The following FAT1 variants were observed in gnomAD, a reference collection of about 807,000 sequenced individuals.
FAT1 encodes the protein FAT atypical cadherin 1.
Under a neutral mutation model 329.8 loss-of-function variants are expected in FAT1, and 171 were observed. That is an observed-to-expected ratio of 0.52 (90% CI 0.46 to 0.59). FAT1 has a LOEUF of 0.59. Among genes scored for constraint, FAT1 ranks in the 20% least tolerant of loss-of-function variants. The pLI, the probability that FAT1 is intolerant of heterozygous loss-of-function variation, is 0.00. For synonymous variants in FAT1, 2,233 were observed against 2,228.6 expected (o/e 1.00, Z -0.06); for missense variants, 5,672 against 5,774.4 (o/e 0.98, Z 0.57).
Position 186,708,641 on chromosome 4 carries a change from G to A in FAT1, c.1187C>T (p.Ser396Phe), listed in dbSNP as rs1744773806. 3 of 1,613,864 alleles carry A rather than the reference G, an allele frequency of 1.9e-6. No homozygotes were observed. The highest frequency in any genetic ancestry group is 1.7e-6 in the Non-Finnish European group (2 of 1,179,882). Reference sequence around the variant, plus strand: ...ACTTTTAAAAACATACCTCAAATGGGAATAAGCAGGAATGGCCTTTACCAT... The same window carrying A: ...ACTTTTAAAAACATACCTCAAATGGAAATAAGCAGGAATGGCCTTTACCAT... Reference protein sequence around the residue: ...VVMVKAIPAYSHLRYVFKSTP... With the variant: ...VVMVKAIPAYFHLRYVFKSTP... Residue 396 changes from serine (S) to phenylalanine (F), a missense_variant, in exon 2 of 27, where the codon TCC becomes TTC. Physicochemically the swap from Ser to Phe is radical, Grantham distance 155. Coordinates refer to ENST00000441802, the MANE Select transcript of FAT1 (RefSeq NM_005245.4).
chr4:186,652,735 C>A (rs1741724520), intron 3 of FAT1, among the ~76,000 whole-genome samples: 1 of 152,100 alleles, frequency 6.6e-6, no homozygotes, highest in African/African-American at 2.4e-5. Flanking sequence ...AAGTTGTTTG[C>A]AGCTTTAGCT....
At chr4:186,626,354 T>C (rs1175291874) in intron 9 of FAT1, among the ~76,000 whole-genome samples, 3 of 46,902 alleles carry the variant, frequency 6.4e-5, no homozygotes, top group Admixed American at 2.0e-4. Flanking sequence ...GTGAGCTTCA[T>C]CAGCCTACAG....
chr4:186,706,102 T>C (rs999595910), intron 2 of FAT1, among the ~76,000 whole-genome samples: 2 of 152,138 alleles, frequency 1.3e-5, no homozygotes, highest in Non-Finnish European at 2.9e-5. Flanking sequence ...TGGCACATCA[T>C]CTCTGCACTG....
rs933085710 is a variant in FAT1, at chr4:186,709,842, G to A, written c.-15C>T. Reference sequence around the variant, plus strand: ...TGTCTCCCCATTGCTTAACTGTCGGGAATCTGAAACAGAAGAAATCAGAAT... The same window carrying A: ...TGTCTCCCCATTGCTTAACTGTCGGAAATCTGAAACAGAAGAAATCAGAAT... On this transcript the variant is annotated 5_prime_UTR_variant, in exon 2 of 27. Transcript: ENST00000441802. 1 of 1,578,574 alleles carries A rather than the reference G, an allele frequency of 6.3e-7. No individual in the cohort carries two copies. The highest frequency in any genetic ancestry group is 8.6e-7 in the Non-Finnish European group (1 of 1,158,602).
chr4:186,663,363 G>C lies in FAT1; in HGVS notation c.3516C>G (p.Asp1172Glu), dbSNP rs766411133. Residue 1172 changes from aspartate to glutamate, a missense_variant, in exon 3 of 27, where the codon GAC becomes GAG. Around this residue, in one of 2 missense-constraint regions of FAT1, gnomAD observed 3,966 missense variants for 3,915.2 expected, o/e 1.01. Transcript: ENST00000441802. Reference sequence around the variant, plus strand: ...CACTTGTAATTTTGTACATGAGCTTGTCATTAGAGCTCGAATCTGGATCAA... The same window carrying C: ...CACTTGTAATTTTGTACATGAGCTTCTCATTAGAGCTCGAATCTGGATCAA... ...EAFDPDSSSN[D>E]KLMYKITSGN... 4 of 1,613,980 alleles carry C rather than the reference G, an allele frequency of 2.5e-6. No homozygotes were observed. The East Asian group carries it at 8.9e-5, about 36-fold the overall frequency.
At chr4:186,651,082 A>C (rs1030668749) in intron 3 of FAT1, among the ~76,000 whole-genome samples, 4 of 72,170 alleles carry the variant, frequency 5.5e-5, no homozygotes, top group Admixed American at 1.5e-4. Context: ...TAATTGATAA[A>C]TTATTTGATG....
chr4:186,695,749 A>G (rs1743995355), intron 2 of FAT1, among the ~76,000 whole-genome samples: 2 of 131,182 alleles, frequency 1.5e-5, no homozygotes, highest in African/African-American at 5.9e-5. Context: ...TTTAATATGT[A>G]TTATATATAA....
In FAT1 at chr4:186,616,896, T is replaced by TG. The variant is rs1288861674; in HGVS notation, c.9075+108dup. 3 of 950,690 alleles carry TG rather than the reference T, an allele frequency of 3.2e-6. No individual in the cohort carries two copies. In the African/African-American group the frequency reaches 4.9e-5, roughly 16 times the overall value. 58.9% of individuals were successfully genotyped at this position (950,690 alleles called of 1,614,324 possible). On this transcript the variant is annotated intron_variant, in intron 11 of 26. Coordinates refer to ENST00000441802, the MANE Select transcript of FAT1 (RefSeq NM_005245.4). ...TTAACACCTCTGCTTAATCAGTAAG[T>TG]GATCATAAAACACATGTGAATTACA... is the stretch of plus-strand genomic sequence containing the variant.
intron 10 of FAT1, 26 bp downstream of exon 10, chr4:186,617,682 A>G (rs769745372): frequency 2.0e-6 from 3 of 1,508,714 alleles, no homozygotes; most frequent in African/African-American, 1.4e-5. Context: ...AAATTAATTA[A>G]ACCGTTTGGT....
Position 186,710,922 on chromosome 4 carries a change from C to T in FAT1, c.-18-1077G>A, listed in dbSNP as rs548146617. 5.0e-4 allele frequency among the ~76,000 whole-genome samples: 76 copies of T among 152,240 alleles called. No individual in the cohort carries two copies. The South Asian group carries it at 0.014, about 28-fold the overall frequency. ...TAACAATGACAAATGGGAAGGTGGG[C>T]GAAGTCCACTGGGCTGAGGTCTGGC... On this transcript the variant is annotated intron_variant, in intron 1 of 26. Transcript: ENST00000441802.
intron 2 of FAT1, among the ~76,000 whole-genome samples, chr4:186,671,526 C>G (rs552019389): frequency 1.3e-5 from 2 of 151,786 alleles, no homozygotes; most frequent in African/African-American, 4.8e-5. Context: ...GTTGAAACCC[C>G]GTCTCTACTA....
At chr4:186,640,120 C>T (rs936589746) in intron 3 of FAT1, among the ~76,000 whole-genome samples, 7 of 152,038 alleles carry the variant, frequency 4.6e-5, no homozygotes, top group Non-Finnish European at 8.8e-5. Context: ...AAGTGAGACT[C>T]CATCTCAAAA....
chr4:186,677,688 A>C (rs1173743002), intron 2 of FAT1, among the ~76,000 whole-genome samples: 1 of 152,204 alleles, frequency 6.6e-6, no homozygotes, highest in Non-Finnish European at 1.5e-5. Context: ...AAGATTTCTT[A>C]GTGGTAACTG....
chr4:186,660,749 G>A (rs1434075435), intron 3 of FAT1, among the ~76,000 whole-genome samples: 1 of 152,192 alleles, frequency 6.6e-6, no homozygotes, highest in Non-Finnish European at 1.5e-5. Flanking sequence ...GAGAGGCAAT[G>A]CCATATTAAT....
At position 186,617,719 on chromosome 4, in the gene FAT1, T is replaced by C. The variant is rs776742021; in HGVS notation, c.8867A>G (p.Tyr2956Cys). Reference sequence around the variant, plus strand: ...TGAATTTTTTTTACCTGTTATGAAATATGTAACTTGTCTGTTGATCTCTTC... The same window carrying C: ...TGAATTTTTTTTACCTGTTATGAAACATGTAACTTGTCTGTTGATCTCTTC... ...DSEEINRQVT[Y>C]FITGGDPLGQ... The change falls in exon 10 of 27, where the codon TAT becomes TGT. Residue 2956 changes from tyrosine to cysteine, a missense_variant. This residue lies in a region of FAT1 where 3,966 missense variants were observed against 3,915.2 expected (regional missense o/e 1.01). Transcript: ENST00000441802. The C allele has an allele frequency of 1.3e-6, 2 of 1,567,484 alleles. No individual in the cohort carries two copies. The highest frequency in any genetic ancestry group is 1.2e-5 in the South Asian group (1 of 83,314).
intron 26 of FAT1, chr4:186,592,743 A>G (rs1414272596): frequency 2.2e-6 from 1 of 456,726 alleles, no homozygotes. Flanking sequence ...CATTACGGTC[A>G]CTATGGAAGC....
At chr4:186,720,689 C>T (rs1410427954) in intron 1 of FAT1, among the ~76,000 whole-genome samples, 1 of 152,124 alleles carries the variant, frequency 6.6e-6, no homozygotes, top group Non-Finnish European at 1.5e-5. Flanking sequence ...TATCAGACTA[C>T]GAGCTGCTTG....
At chr4:186,670,518 T>C (rs1742680277) in intron 2 of FAT1, among the ~76,000 whole-genome samples, 1 of 152,148 alleles carries the variant, frequency 6.6e-6, no homozygotes. Context: ...ATCAACACAC[T>C]AGAGAGCCAA....
chr4:186,653,134 T>C (rs1414233836), intron 3 of FAT1, among the ~76,000 whole-genome samples: 1 of 152,026 alleles, frequency 6.6e-6, no homozygotes, highest in Admixed American at 6.5e-5. Context: ...ATAAACAAAA[T>C]GGGGGAGATG....
Sources: allele counts gnomAD v4.1 joint callset (sites outside exome capture counted in the v4.1 genomes callset), GRCh38; gene constraint gnomAD v4.1.1; regional missense constraint gnomAD v4.1.1; transcripts MANE v1.5; gene names NCBI Gene and HGNC (gene_info 2026-07-23, HGNC 2026-07-21).